The following FAM241A variants were observed in gnomAD, a reference collection of about 807,000 sequenced individuals.
The protein encoded by FAM241A is family with sequence similarity 241 member A, also known as uncharacterized protein FAM241A.
FAM241A carries 7 observed loss-of-function variants against 12.2 expected under a neutral mutation model. The ratio of observed to expected loss-of-function variants is 0.58; its 90% confidence interval spans 0.33 to 1.08. The LOEUF is 1.08. Ranked by LOEUF, FAM241A falls within the 50% of genes least tolerant of loss-of-function variation. The pLI is 0.04. For missense variants in FAM241A, 161 were observed against 169.7 expected (o/e 0.95, Z 0.29); for synonymous variants, 74 against 68.2 (o/e 1.08, Z -0.42).
At chr4:112,185,159 C>G (rs1449434518) in intron 1 of FAM241A, among the ~76,000 whole-genome samples, 1 of 151,984 alleles carries the variant, frequency 6.6e-6, no homozygotes, top group Non-Finnish European at 1.5e-5. Context: ...TTGAATCATG[C>G]CTCCTAAATA....
intron 1 of FAM241A, among the ~76,000 whole-genome samples, chr4:112,184,525 TC>T (rs1291226200): frequency 6.6e-6 from 1 of 151,480 alleles, no homozygotes. Context: ...AGAAACTGTC[TC>T]AAAAAAAAAA....
At chr4:112,160,198 G>A (rs1395085973) in intron 1 of FAM241A, among the ~76,000 whole-genome samples, 1 of 152,132 alleles carries the variant, frequency 6.6e-6, no homozygotes, top group African/African-American at 2.4e-5. Context: ...CTTGAGGTCA[G>A]GAGTTCAAGA....
intron 1 of FAM241A, among the ~76,000 whole-genome samples, chr4:112,180,449 G>A (rs1380806781): frequency 6.6e-6 from 1 of 152,056 alleles, no homozygotes; most frequent in African/African-American, 2.4e-5. Context: ...CAGTATTTAT[G>A]AAGAATTCTA....
chr4:112,168,294 A>G (rs537280768), intron 1 of FAM241A, among the ~76,000 whole-genome samples: 3 of 152,348 alleles, frequency 2.0e-5, no homozygotes, highest in African/African-American at 7.2e-5. Flanking sequence ...TAGTTCTATA[A>G]ATAATGAAAA....
chr4:112,174,384 T>G (rs1302734786), intron 1 of FAM241A, among the ~76,000 whole-genome samples: 6 of 152,182 alleles, frequency 3.9e-5, no homozygotes, highest in African/African-American at 1.4e-4. Context: ...CTGGGCACGG[T>G]GACTCACGCC....
intron 1 of FAM241A, among the ~76,000 whole-genome samples, chr4:112,167,655 A>T (rs541807540): frequency 2.4e-4 from 36 of 152,312 alleles, no homozygotes; most frequent in Middle Eastern, 6.8e-3. Flanking sequence ...TTAGGAAGGG[A>T]TAGTGCAGCA....
intron 1 of FAM241A, among the ~76,000 whole-genome samples, chr4:112,179,864 G>C (rs1723893419): frequency 7.1e-6 from 1 of 141,356 alleles, no homozygotes; most frequent in Non-Finnish European, 1.5e-5. Flanking sequence ...AATAGCAAAG[G>C]CAGAATCAAC....
chr4:112,166,841 G>A (rs534618694), intron 1 of FAM241A, among the ~76,000 whole-genome samples: 5 of 152,010 alleles, frequency 3.3e-5, no homozygotes, highest in African/African-American at 4.8e-5. Flanking sequence ...CTGGCCGGGC[G>A]CGGTGGCTCA....
chr4:112,157,696 T>G (rs1289528011), intron 1 of FAM241A, among the ~76,000 whole-genome samples: 1 of 152,126 alleles, frequency 6.6e-6, no homozygotes, highest in African/African-American at 2.4e-5. Context: ...TAACTAAAAT[T>G]AACCTGAATC....
chr4:112,160,577 C>G (rs1025457548), intron 1 of FAM241A, among the ~76,000 whole-genome samples: 1 of 152,148 alleles, frequency 6.6e-6, no homozygotes, highest in African/African-American at 2.4e-5. Flanking sequence ...TTTACACTCA[C>G]AGAAGTTCCA....
rs1214200238 is a variant in FAM241A, at chr4:112,191,741, T to C, written c.*4803T>C. 1 of 152,214 alleles carries C rather than the reference T, an allele frequency of 6.6e-6. No individual in the cohort carries two copies. 9.4% of individuals were successfully genotyped at this position (152,214 alleles called of 1,614,324 possible). A position where few individuals can be genotyped will look rare whatever the true frequency, so the allele number is the denominator to read the frequency against. Reference sequence around the variant, plus strand: ...TAAATCCAGTTTTGGTTCTTCATTATGGCTTGGTTTCTCAAGTGCAACCCT... The same window carrying C: ...TAAATCCAGTTTTGGTTCTTCATTACGGCTTGGTTTCTCAAGTGCAACCCT... On this transcript the variant is annotated 3_prime_UTR_variant, in exon 2 of 2. Coordinates refer to ENST00000309733, the MANE Select transcript of FAM241A (RefSeq NM_152400.3).
At chr4:112,183,171 TAAG>T (rs1723975115) in intron 1 of FAM241A, among the ~76,000 whole-genome samples, 1 of 152,152 alleles carries the variant, frequency 6.6e-6, no homozygotes, top group African/African-American at 2.4e-5. Flanking sequence ...TTACCCAGAT[TAAG>T]AAGTATTTCA....
At chr4:112,173,938 TAA>T (rs1723772809) in intron 1 of FAM241A, among the ~76,000 whole-genome samples, 1 of 152,104 alleles carries the variant, frequency 6.6e-6, no homozygotes, top group Non-Finnish European at 1.5e-5. Flanking sequence ...CAAAACAAAA[TAA>T]AAGTCTTTTA....
chr4:112,171,155 CA>C (rs1393083859), intron 1 of FAM241A: 2 of 473,146 alleles, frequency 4.2e-6, no homozygotes, highest in African/African-American at 4.0e-5. Context: ...GCAAAAACCA[CA>C]AAACCATTTT....
At chr4:112,165,503 T>G (rs989213150) in intron 1 of FAM241A, among the ~76,000 whole-genome samples, 6 of 152,228 alleles carry the variant, frequency 3.9e-5, no homozygotes, top group African/African-American at 1.4e-4. Context: ...GGAAGCAACC[T>G]AATTGTCCAT....
intron 1 of FAM241A, among the ~76,000 whole-genome samples, chr4:112,151,034 A>G (rs1017856157): frequency 6.6e-6 from 1 of 152,232 alleles, no homozygotes; most frequent in Middle Eastern, 3.2e-3. Context: ...GCAGAACAGC[A>G]TTAATATAGT....
intron 1 of FAM241A, among the ~76,000 whole-genome samples, chr4:112,159,706 C>T (rs909365069): frequency 1.3e-5 from 2 of 152,154 alleles, no homozygotes; most frequent in Admixed American, 6.5e-5. Flanking sequence ...GCTGAAAAAG[C>T]ATTTGATAAA....
chr4:112,175,455 A>C (rs1425458459), intron 1 of FAM241A, among the ~76,000 whole-genome samples: 1 of 152,156 alleles, frequency 6.6e-6, no homozygotes, highest in African/African-American at 2.4e-5. Flanking sequence ...GTCTTGAGTT[A>C]CATTTACGTT....
chr4:112,147,388 T>C (rs1431760033), intron 1 of FAM241A, among the ~76,000 whole-genome samples: 2 of 152,238 alleles, frequency 1.3e-5, no homozygotes, highest in Non-Finnish European at 2.9e-5. Flanking sequence ...ACACCGGAGA[T>C]AGGCATTTCC....
Sources: allele counts gnomAD v4.1 joint callset (sites outside exome capture counted in the v4.1 genomes callset), GRCh38; gene constraint gnomAD v4.1.1; transcripts MANE v1.5; gene names NCBI Gene and HGNC (gene_info 2026-07-23, HGNC 2026-07-21).